Variants in PARD3 observed in about 807,000 individuals in gnomAD.
PARD3 encodes the protein partitioning defective 3 homolog.
PARD3 carries 75 observed loss-of-function variants against 155.4 expected under a neutral mutation model. The ratio of observed to expected loss-of-function variants is 0.48; its 90% CI spans 0.40 to 0.58. The LOEUF is 0.58. Ranked by LOEUF, PARD3 falls within the 20% of genes least tolerant of loss-of-function variation. The pLI is 0.00. For synonymous variants in PARD3, 576 were observed against 610.5 expected, an observed-to-expected ratio of 0.94 and a Z score of 0.83; for missense variants, 1,642 against 1,721.7, an observed-to-expected ratio of 0.95 and a Z score of 0.82.
intron 2 of PARD3, among the ~76,000 whole-genome samples, chr10:34,675,028 C>T (rs2093678992): frequency 6.6e-6 from 1 of 152,260 alleles, no homozygotes; most frequent in East Asian, 1.9e-4. Context: ...TGCTTTGCTT[C>T]TTACCTTTTC....
At chr10:34,758,191 G>A (rs1351007413) in intron 1 of PARD3, among the ~76,000 whole-genome samples, 1 of 152,156 alleles carries the variant, frequency 6.6e-6, no homozygotes, top group African/African-American at 2.4e-5. Context: ...GAAAAGCTAG[G>A]ATAAACATTA....
intron 22 of PARD3, among the ~76,000 whole-genome samples, chr10:34,146,668 A>C (rs1948522477): frequency 6.6e-6 from 1 of 152,146 alleles, no homozygotes; most frequent in Non-Finnish European, 1.5e-5. Context: ...TACAATTTTT[A>C]ATCCTCTGTT....
At position 34,560,026 on chromosome 10, in the gene PARD3, T is replaced by A. The variant is rs575158890; in HGVS notation, c.223-42867A>T. 4.6e-5 allele frequency among the ~76,000 whole-genome samples: 7 copies of A among 152,322 alleles called. No homozygotes were observed. The South Asian group carries it at 1.5e-3, about 32-fold the overall frequency. ...GAATTGAAGGCTGAGATGGGACATA[T>A]AATTATTTATCTGCATCATAAAAAC... On this transcript the variant is annotated intron_variant, in intron 2 of 24. Transcript: ENST00000374788.
rs1393533290 is a variant in PARD3 at position 34,645,713 on chromosome 10, T to C, written c.222+50605A>G. Among the ~76,000 whole-genome samples, 7 of 152,326 alleles carry C rather than the reference T, an allele frequency of 4.6e-5. 1 individual carries two copies. Among genetic ancestry groups the C allele is most frequent in the Admixed American group, 3.3e-4 (5 of 15,302 alleles). ...GCAGCTGCGGCTGGGAGCAACTAAG[T>C]ATCTCTGCAGGTGCCTGTTCTCACT... is the stretch of plus-strand genomic sequence containing the variant. On this transcript the variant is annotated intron_variant, in intron 2 of 24. Transcript: ENST00000374788.
intron 1 of PARD3, among the ~76,000 whole-genome samples, chr10:34,724,526 C>T (rs2094665681): frequency 1.3e-5 from 2 of 151,974 alleles, no homozygotes; most frequent in African/African-American, 4.8e-5. Context: ...TGTTCTAATC[C>T]CAATCAAGTA....
chr10:34,450,212 A>G, intron 5 of PARD3, 105 bp downstream of exon 5: 2 of 1,062,870 alleles, frequency 1.9e-6, no homozygotes, highest in Non-Finnish European at 2.7e-6. Context: ...TTGTTAGAAT[A>G]ATTAACTTTT....
At chr10:34,201,078 C>T (rs1392383959) in intron 22 of PARD3, among the ~76,000 whole-genome samples, 3 of 152,256 alleles carry the variant, frequency 2.0e-5, no homozygotes, top group African/African-American at 4.8e-5. Flanking sequence ...TCTTGGAATA[C>T]GAAAGGCATG....
chr10:34,470,519 G>C (rs773576044), intron 3 of PARD3, among the ~76,000 whole-genome samples: 7 of 152,168 alleles, frequency 4.6e-5, no homozygotes, highest in Non-Finnish European at 8.8e-5. Flanking sequence ...TGTTATCTAT[G>C]TGGCCCTGGC....
chr10:34,692,497 A>T (rs899608026), intron 2 of PARD3, among the ~76,000 whole-genome samples: 1 of 152,242 alleles, frequency 6.6e-6, no homozygotes, highest in Non-Finnish European at 1.5e-5. Context: ...AATATTTGCA[A>T]ATTATGCATC....
Position 34,114,210 on chromosome 10 carries a change from C to T in PARD3, c.3669-2648G>A, listed in dbSNP as rs550531094. ...CCAGGAGGTCGAGGCTGCAGTGAGC[C>T]GTGATTGCACCACTGCACTGCAGCC... is the stretch of plus-strand genomic sequence containing the variant. On this transcript the variant is annotated intron_variant, in intron 24 of 24. Coordinates refer to ENST00000374788, the MANE Select transcript of PARD3 (RefSeq NM_001184785.2). Among the ~76,000 whole-genome samples, 13 of 151,950 alleles carry T rather than the reference C, an allele frequency of 8.6e-5. No individual in the cohort carries two copies. The East Asian group carries it at 9.7e-4, about 11-fold the overall frequency.
intron 22 of PARD3, among the ~76,000 whole-genome samples, chr10:34,233,154 C>A (rs1485604262): frequency 1.3e-5 from 2 of 151,218 alleles, no homozygotes; most frequent in African/African-American, 4.9e-5. Context: ...AGCCTACTAC[C>A]CCATCAGGCG....
At chr10:34,116,979 AG>A (rs1004406225) in intron 24 of PARD3, among the ~76,000 whole-genome samples, 2 of 152,176 alleles carry the variant, frequency 1.3e-5, no homozygotes, top group Non-Finnish European at 2.9e-5. Context: ...CGAGGATGAA[AG>A]GTTCGGCGGG....
intron 5 of PARD3, among the ~76,000 whole-genome samples, chr10:34,405,190 C>T (rs1223790911): frequency 6.6e-6 from 1 of 151,808 alleles, no homozygotes; most frequent in Non-Finnish European, 1.5e-5. Flanking sequence ...TTACATGGTG[C>T]CTGACACATA....
intron 2 of PARD3, among the ~76,000 whole-genome samples, chr10:34,566,757 G>GA (rs1554772252): frequency 1.3e-5 from 2 of 151,840 alleles, no homozygotes; most frequent in Admixed American, 6.6e-5. Flanking sequence ...ATTAACCAAA[G>GA]TTTTTTTTAC....
chr10:34,223,984 C>T (rs977008505), intron 22 of PARD3, among the ~76,000 whole-genome samples: 4 of 152,144 alleles, frequency 2.6e-5, no homozygotes, highest in Non-Finnish European at 4.4e-5. Flanking sequence ...ACATCAGAGG[C>T]GAGACAATAG....
rs186585131 is a variant in PARD3, at chr10:34,411,472, T to C, written c.715-9555A>G. On this transcript the variant is annotated intron_variant, in intron 5 of 24. Transcript: ENST00000374788. ...TCATCCAATCATTTGGAGACCTGAA[T>C]AGAACAAAAAGGCTGAGGAAGAGGA... is the stretch of plus-strand genomic sequence containing the variant. 6.0e-5 allele frequency among the ~76,000 whole-genome samples: 9 copies of C among 149,514 alleles called. No homozygotes were observed. In the East Asian group the frequency reaches 1.4e-3, roughly 23 times the overall value.
intron 5 of PARD3, among the ~76,000 whole-genome samples, chr10:34,411,956 GTGTGTGTA>G (rs1845125068): frequency 8.8e-6 from 1 of 113,998 alleles, no homozygotes; most frequent in African/African-American, 3.4e-5. Context: ...GTGTGTGTGT[GTGTGTGTA>G]TTTCCTCCTT....
At chr10:34,399,307 T>A in intron 7 of PARD3, 23 bp downstream of exon 7, 1 of 1,436,234 alleles carries the variant, frequency 7.0e-7, no homozygotes, top group East Asian at 2.3e-5. Flanking sequence ...ATGATTCAAT[T>A]AAAAACCTCC....
intron 22 of PARD3, among the ~76,000 whole-genome samples, chr10:34,170,918 G>C (rs1254971442): frequency 6.6e-6 from 1 of 152,218 alleles, no homozygotes; most frequent in East Asian, 1.9e-4. Flanking sequence ...TAATGTGCTA[G>C]ACGCGGAATT....
Sources: gnomAD v4.1 joint callset for allele counts (sites outside exome capture counted in the v4.1 genomes callset) on GRCh38, gnomAD v4.1.1 for gene constraint, MANE v1.5 for transcripts, NCBI Gene and HGNC (gene_info 2026-07-23, HGNC 2026-07-21) for gene names.